Variants in SLC44A5 observed in about 807,000 individuals in gnomAD.
The protein encoded by SLC44A5 is solute carrier family 44 member 5.
A neutral mutation model predicts 101.8 loss-of-function variants in SLC44A5; 57 were observed. The ratio of observed to expected loss-of-function variants is 0.56; its 90% confidence interval spans 0.45 to 0.70. The LOEUF (loss-of-function observed/expected upper bound fraction) is 0.70, where lower values mean the gene tolerates loss of function less well. SLC44A5 is among the 30% of genes least tolerant of loss of function. The pLI is 0.00. For synonymous variants in SLC44A5, 281 were observed against 290.9 expected, an observed-to-expected ratio of 0.97 and a Z score of 0.35; for missense variants, 737 against 853.1, an observed-to-expected ratio of 0.86 and a Z score of 1.70.
At chr1:75,655,062 A>G in the SLC44A5 span, among the ~76,000 whole-genome samples, 1 of 152,184 alleles carries the variant, frequency 6.6e-6, no homozygotes, top group African/African-American at 2.4e-5. Context: ...AGATTAAAAG[A>G]TTAAACTAAA....
intron 2 of SLC44A5, among the ~76,000 whole-genome samples, chr1:75,489,908 C>T (rs1260849283): frequency 6.6e-6 from 1 of 151,922 alleles, no homozygotes; most frequent in African/African-American, 2.4e-5. Flanking sequence ...CACACTAACC[C>T]ATATAAAGAG....
At chr1:75,612,656 A>G (rs1675706020), upstream of SLC44A5, among the ~76,000 whole-genome samples, 1 of 152,142 alleles carries the variant, frequency 6.6e-6, no homozygotes, top group Admixed American at 6.5e-5. Flanking sequence ...ATTGTCTATC[A>G]TGTTCATTAC....
the SLC44A5 span, among the ~76,000 whole-genome samples, chr1:75,699,475 C>T: frequency 1.3e-5 from 2 of 151,840 alleles, no homozygotes; most frequent in Admixed American, 1.3e-4. Flanking sequence ...CACCACCCGG[C>T]CTGCCCTAAA....
chr1:75,222,476 A>G lies in SLC44A5; in HGVS notation c.986-16T>C. The G allele has an allele frequency of 1.3e-6, 2 of 1,525,488 alleles. No individual in the cohort carries two copies. Among genetic ancestry groups the G allele is most frequent in the Non-Finnish European group, 1.8e-6 (2 of 1,102,984 alleles). The allele number at this position is 1,525,488 out of a possible 1,614,324, so 94.5% of individuals were successfully genotyped here. A position where few individuals can be genotyped will look rare whatever the true frequency, so the allele number is the denominator to read the frequency against. On this transcript the variant is annotated splice_polypyrimidine_tract_variant and intron_variant, in intron 13 of 23. Transcript: ENST00000370859. ...AGTATTATCACTTTGAACAGGAAAA[A>G]AAAAATCAGTCTGTAATACAAGTAG... is the stretch of plus-strand genomic sequence containing the variant.
At chr1:75,402,417 G>A in intron 2 of SLC44A5, 1 of 397,144 alleles carries the variant, frequency 2.5e-6, no homozygotes, top group Non-Finnish European at 5.2e-6. Context: ...AATAGAAACA[G>A]CTCTGGTCTG....
At chr1:75,230,384 A>G (rs1183674494) in intron 12 of SLC44A5, among the ~76,000 whole-genome samples, 2 of 151,772 alleles carry the variant, frequency 1.3e-5, no homozygotes, top group Admixed American at 1.3e-4. Flanking sequence ...AGTAGCTGGG[A>G]CTACAGGTGT....
intron 4 of SLC44A5, among the ~76,000 whole-genome samples, chr1:75,331,377 T>C (rs1657041909): frequency 1.3e-5 from 2 of 152,126 alleles, no homozygotes; most frequent in Non-Finnish European, 2.9e-5. Flanking sequence ...ATCTAACAAT[T>C]ACTCTTGACT....
intron 4 of SLC44A5, among the ~76,000 whole-genome samples, chr1:75,301,311 A>G (rs1434803337): frequency 2.6e-5 from 4 of 152,190 alleles, no homozygotes; most frequent in Non-Finnish European, 5.9e-5. Flanking sequence ...GTGATTTGCT[A>G]AAGGTCAGAA....
At chr1:75,704,684 T>C in the SLC44A5 span, among the ~76,000 whole-genome samples, 1 of 152,228 alleles carries the variant, frequency 6.6e-6, no homozygotes, top group Non-Finnish European at 1.5e-5. Context: ...TGAAGCATAG[T>C]GTACTACCTT....
intron 1 of SLC44A5, among the ~76,000 whole-genome samples, chr1:75,577,452 G>A (rs929105551): frequency 6.6e-6 from 1 of 152,092 alleles, no homozygotes; most frequent in Admixed American, 6.5e-5. Flanking sequence ...CAGAGCCTTC[G>A]CACTTATTCC....
At chr1:75,540,198 C>T (rs376408247) in intron 2 of SLC44A5, among the ~76,000 whole-genome samples, 7 of 152,188 alleles carry the variant, frequency 4.6e-5, no homozygotes, top group African/African-American at 1.7e-4. Flanking sequence ...TGTACTACTT[C>T]TCAGGCACTG....
chr1:75,225,436 T>C, intron 13 of SLC44A5, among the ~76,000 whole-genome samples: 1 of 152,264 alleles, frequency 6.6e-6, no homozygotes, highest in Non-Finnish European at 1.5e-5. Flanking sequence ...ATATCCCCTC[T>C]TTTGTTTGAA....
intron 1 of SLC44A5, among the ~76,000 whole-genome samples, chr1:75,569,776 T>C (rs186600259): frequency 2.6e-5 from 4 of 152,282 alleles, no homozygotes; most frequent in South Asian, 2.1e-4. Flanking sequence ...GAAATTGTAA[T>C]AAAGAACAAA....
rs569764365 is a variant in SLC44A5, at chr1:75,333,866, T to C, written c.101+5716A>G. Among the ~76,000 whole-genome samples, 8 of 152,314 alleles carry C rather than the reference T, an allele frequency of 5.3e-5. No homozygotes were observed. The East Asian group carries it at 1.2e-3, about 22-fold the overall frequency. On this transcript the variant is annotated intron_variant, in intron 4 of 23. Transcript: ENST00000370859. ...AGAGCCAATAGTACACATCAAAGTA[T>C]GAGAGCCTGAGAACACTTATCCTTT...
intron 2 of SLC44A5, among the ~76,000 whole-genome samples, chr1:75,446,433 A>C (rs1295798996): frequency 6.6e-6 from 1 of 152,146 alleles, no homozygotes; most frequent in Non-Finnish European, 1.5e-5. Flanking sequence ...CACTCTTTTG[A>C]GTCTCTGCCT....
chr1:75,541,329 T>C (rs1671344601), intron 2 of SLC44A5, 106 bp downstream of exon 2: 1 of 848,668 alleles, frequency 1.2e-6, no homozygotes, highest in Non-Finnish European at 1.9e-6. Context: ...AGTGACAACA[T>C]AGTATATACT....
chr1:75,321,306 T>G (rs1045171017), intron 4 of SLC44A5, among the ~76,000 whole-genome samples: 12 of 152,172 alleles, frequency 7.9e-5, no homozygotes, highest in Non-Finnish European at 7.3e-5. Context: ...CACCACAGAC[T>G]GAATGGCTTA....
At chr1:75,306,152 C>T (rs944258441) in intron 4 of SLC44A5, among the ~76,000 whole-genome samples, 1 of 152,120 alleles carries the variant, frequency 6.6e-6, no homozygotes, top group Non-Finnish European at 1.5e-5. Context: ...ATATGTATAT[C>T]GTCTAAGGCT....
In SLC44A5 at chr1:75,368,645, A is replaced by G. The variant is rs1001489600; in HGVS notation, c.52+27938T>C. On this transcript the variant is annotated intron_variant, in intron 3 of 23. Transcript: ENST00000370859. Reference sequence around the variant, plus strand: ...CTCTGTCTCTTTAAAATGTGCATGCACACACACACACACACACACACACAC... The same window carrying G: ...CTCTGTCTCTTTAAAATGTGCATGCGCACACACACACACACACACACACAC... Among the ~76,000 whole-genome samples, 21 of 92,032 alleles carry G rather than the reference A, an allele frequency of 2.3e-4. No individual in the cohort carries two copies. The South Asian group carries it at 6.9e-3, about 30-fold the overall frequency. 60.4% of individuals were successfully genotyped at this position (92,032 alleles called of 152,430 possible). A position where few individuals can be genotyped will look rare whatever the true frequency, so the allele number is the denominator to read the frequency against.
Sources: allele counts gnomAD v4.1 joint callset (sites outside exome capture counted in the v4.1 genomes callset), GRCh38; gene constraint gnomAD v4.1.1; transcripts MANE v1.5; gene names NCBI Gene and HGNC (gene_info 2026-07-23, HGNC 2026-07-21).